The following HOOK3 variants were observed in gnomAD, a reference collection of about 807,000 sequenced individuals.
HOOK3 encodes the protein hook microtubule tethering protein 3, also known as protein Hook homolog 3.
HOOK3 carries 24 observed loss-of-function variants against 116.3 expected under a neutral mutation model. The ratio of observed to expected loss-of-function variants is 0.21; its 90% confidence interval spans 0.15 to 0.29. The LOEUF (loss-of-function observed/expected upper bound fraction) is 0.29. HOOK3 is among the 10% of genes least tolerant of loss of function. HOOK3 has a pLI of 1.00. For missense variants in HOOK3, 632 were observed against 830.2 expected (o/e 0.76, Z 2.93); for synonymous variants, 275 against 283.0 (o/e 0.97, Z 0.28).
chr8:43,020,125 C>T lies in HOOK3; in HGVS notation c.*1627C>T, dbSNP rs1053729183. ...GTGGTATTTGTTTGTCCTCAGAAGC[C>T]GTAGTTGAAGAAAGATATTAGAGTA... On this transcript the variant is annotated 3_prime_UTR_variant, in exon 22 of 22. Transcript: ENST00000307602. 1.0e-5 allele frequency: 2 copies of T among 198,896 alleles called. No homozygotes were observed. Among genetic ancestry groups the T allele is most frequent in the African/African-American group, 2.3e-5 (1 of 43,286 alleles). 12.3% of individuals were successfully genotyped at this position (198,896 alleles called of 1,614,324 possible). A position where few individuals can be genotyped will look rare whatever the true frequency, so the allele number is the denominator to read the frequency against.
intron 16 of HOOK3, among the ~76,000 whole-genome samples, chr8:42,999,751 G>A (rs1809344311): frequency 6.6e-6 from 1 of 152,008 alleles, no homozygotes; most frequent in Non-Finnish European, 1.5e-5. Context: ...GTTATATCCA[G>A]CCATATGGAT....
chr8:43,023,864 T>C lies in HOOK3; in HGVS notation c.*5366T>C, dbSNP rs377320569. 3 of 204,798 alleles carry C rather than the reference T, an allele frequency of 1.5e-5. No individual in the cohort carries two copies. Among genetic ancestry groups the C allele is most frequent in the African/African-American group, 6.9e-5 (3 of 43,774 alleles). 12.7% of individuals were successfully genotyped at this position (204,798 alleles called of 1,614,324 possible). A position where few individuals can be genotyped will look rare whatever the true frequency, so the allele number is the denominator to read the frequency against. Reference sequence around the variant, plus strand: ...CTGCTCCCTCACAAAAATTCACCTGTCATTTTAATGATAACAGCATGTTAA... The same window carrying C: ...CTGCTCCCTCACAAAAATTCACCTGCCATTTTAATGATAACAGCATGTTAA... On this transcript the variant is annotated 3_prime_UTR_variant, in exon 22 of 22. Coordinates refer to ENST00000307602, the MANE Select transcript of HOOK3 (RefSeq NM_032410.4).
At chr8:42,899,826 C>T (rs1422127520) in intron 1 of HOOK3, among the ~76,000 whole-genome samples, 1 of 152,172 alleles carries the variant, frequency 6.6e-6, no homozygotes, top group Non-Finnish European at 1.5e-5. Context: ...GGGATGACAG[C>T]CTTATGTACT....
chr8:42,941,286 C>T (rs996021447), intron 4 of HOOK3, among the ~76,000 whole-genome samples: 4 of 148,096 alleles, frequency 2.7e-5, no homozygotes, highest in South Asian at 2.1e-4. Flanking sequence ...GAGGCCGAGG[C>T]GGGCGGATCA....
chr8:42,903,973 A>G (rs932677984), intron 1 of HOOK3, among the ~76,000 whole-genome samples: 1 of 152,020 alleles, frequency 6.6e-6, no homozygotes, highest in African/African-American at 2.4e-5. Context: ...AAACAAAACA[A>G]AAAGATTTGA....
At chr8:42,940,475 AGAGAGG>A (rs1040937260) in intron 4 of HOOK3, among the ~76,000 whole-genome samples, 1 of 152,270 alleles carries the variant, frequency 6.6e-6, no homozygotes, top group Non-Finnish European at 1.5e-5. Context: ...GACCGTGGAA[AGAGAGG>A]GAGAGGGAGA....
chr8:42,925,217 C>T (rs751490627), intron 2 of HOOK3, among the ~76,000 whole-genome samples: 7 of 151,974 alleles, frequency 4.6e-5, no homozygotes, highest in Non-Finnish European at 8.8e-5. Context: ...CCCACCTCAG[C>T]CTCCTCAGTA....
chr8:42,910,526 C>G (rs1173348864), intron 2 of HOOK3, among the ~76,000 whole-genome samples: 1 of 152,238 alleles, frequency 6.6e-6, no homozygotes, highest in Non-Finnish European at 1.5e-5. Flanking sequence ...AGCCATGATT[C>G]TGACTTCAGT....
intron 17 of HOOK3, among the ~76,000 whole-genome samples, chr8:43,003,102 C>T (rs558546581): frequency 5.1e-4 from 78 of 152,180 alleles, no homozygotes; most frequent in African/African-American, 1.8e-3. Context: ...AGCAAAACTC[C>T]GGGCAAGCAT....
intron 3 of HOOK3, among the ~76,000 whole-genome samples, chr8:42,928,260 A>G (rs2130361576): frequency 6.6e-6 from 1 of 151,134 alleles, no homozygotes. Flanking sequence ...GCCTGGCGAC[A>G]GAGCAAAACT....
intron 6 of HOOK3, 90 bp from the exon 7 acceptor site, chr8:42,957,004 G>A (rs942332902): frequency 9.8e-6 from 6 of 611,328 alleles, no homozygotes; most frequent in Non-Finnish European, 1.4e-5. Context: ...TATTTCTATA[G>A]TGGCTGGGTA....
At chr8:43,007,054 T>TCTCA (rs1209798463) in intron 17 of HOOK3, among the ~76,000 whole-genome samples, 4 of 127,722 alleles carry the variant, frequency 3.1e-5, no homozygotes, top group Non-Finnish European at 6.2e-5. Flanking sequence ...TGAGATGGAG[T>TCTCA]CTCACTCTGT....
intron 1 of HOOK3, among the ~76,000 whole-genome samples, chr8:42,902,342 G>A (rs568368601): frequency 1.3e-5 from 2 of 151,292 alleles, no homozygotes; most frequent in East Asian, 2.0e-4. Flanking sequence ...AGCAGTCACA[G>A]CTCACTGCAG....
intron 6 of HOOK3, among the ~76,000 whole-genome samples, chr8:42,953,450 G>A (rs1808379024): frequency 6.6e-6 from 1 of 151,618 alleles, no homozygotes; most frequent in Non-Finnish European, 1.5e-5. Flanking sequence ...TGTAATCCCA[G>A]CTACTTGGGT....
At chr8:42,911,501 G>A (rs1048682165) in intron 2 of HOOK3, among the ~76,000 whole-genome samples, 11 of 152,162 alleles carry the variant, frequency 7.2e-5, no homozygotes, top group Admixed American at 2.6e-4. Flanking sequence ...AGGCTTTGGC[G>A]GTGGGTGGGG....
At chr8:42,963,628 C>T (rs1388655105) in intron 8 of HOOK3, among the ~76,000 whole-genome samples, 2 of 152,156 alleles carry the variant, frequency 1.3e-5, no homozygotes, top group Non-Finnish European at 2.9e-5. Flanking sequence ...ATTTTATATT[C>T]TCACCACAAG....
chr8:42,992,292 C>A (rs967547708), intron 15 of HOOK3, among the ~76,000 whole-genome samples: 1 of 144,084 alleles, frequency 6.9e-6, no homozygotes, highest in African/African-American at 2.6e-5. Context: ...CCCAACTACT[C>A]AGGAGGCTGA....
At chr8:42,954,750 A>G (rs1808404254) in intron 6 of HOOK3, among the ~76,000 whole-genome samples, 1 of 152,330 alleles carries the variant, frequency 6.6e-6, no homozygotes, top group East Asian at 1.9e-4. Flanking sequence ...CTCACAAAGC[A>G]TAAGTCTCAT....
intron 12 of HOOK3, 29 bp from the exon 13 acceptor site, chr8:42,974,067 AAACGTGAAGCT>A: frequency 6.9e-7 from 1 of 1,441,882 alleles, no homozygotes; most frequent in Non-Finnish European, 9.8e-7. Flanking sequence ...TAAATTCTTA[AAACGTGAAGCT>A]AACCCTCCAT....
Sources: gnomAD v4.1 joint callset for allele counts (sites outside exome capture counted in the v4.1 genomes callset) on GRCh38, gnomAD v4.1.1 for gene constraint, MANE v1.5 for transcripts, NCBI Gene and HGNC (gene_info 2026-07-23, HGNC 2026-07-21) for gene names.